The following CREB3L4 variants were observed in gnomAD, a reference collection of about 807,000 sequenced individuals.
CREB3L4 encodes the protein cAMP responsive element binding protein 3 like 4, also known as cyclic AMP-responsive element-binding protein 3-like protein 4.
CREB3L4 carries 28 observed loss-of-function variants against 37.0 expected under a neutral mutation model. That is an observed-to-expected ratio of 0.76 (90% CI 0.56 to 1.04). CREB3L4 has a LOEUF of 1.04. Among genes scored for constraint, CREB3L4 ranks in the 50% least tolerant of loss-of-function variants. The pLI, the probability that CREB3L4 is intolerant of heterozygous loss-of-function variation, is 0.00. For synonymous variants in CREB3L4, 175 were observed against 192.2 expected, an observed-to-expected ratio of 0.91 and a Z score of 0.74; for missense variants, 462 against 486.0, an observed-to-expected ratio of 0.95 and a Z score of 0.46.
intron 5 of CREB3L4, 61 bp downstream of exon 5, chr1:153,972,897 C>T: frequency 6.3e-7 from 1 of 1,598,622 alleles, no homozygotes; most frequent in Non-Finnish European, 8.6e-7. Context: ...TCTGAGGGGC[C>T]AATATCCCAG....
chr1:153,967,722 A>G (rs1667009905), upstream of CREB3L4: 1 of 152,228 alleles, frequency 6.6e-6, no homozygotes, highest in Admixed American at 6.5e-5. Context: ...TGAACAGCCA[A>G]ACTGTCTCCG....
chr1:153,971,575 CTTTTTCTTTTTCT>C (rs1270947173), intron 4 of CREB3L4, among the ~76,000 whole-genome samples: 1 of 125,948 alleles, frequency 7.9e-6, no homozygotes, highest in African/African-American at 2.8e-5. Context: ...ACTCTGTTTT[CTTTTTCTTTTTCT>C]TTTTTTTTTT....
At chr1:153,970,200 T>C (rs1648233197) in intron 4 of CREB3L4, among the ~76,000 whole-genome samples, 1 of 152,170 alleles carries the variant, frequency 6.6e-6, no homozygotes, top group Non-Finnish European at 1.5e-5. Flanking sequence ...GTGCTGGGAT[T>C]ACAGGTGTGA....
chr1:153,973,836 G>A (rs759446488), intron 9 of CREB3L4, 36 bp from the exon 10 acceptor site: 1 of 1,602,198 alleles, frequency 6.2e-7, no homozygotes, highest in Non-Finnish European at 8.5e-7. Context: ...ACCCAGGGGA[G>A]CACTCTACTA....
intron 4 of CREB3L4, among the ~76,000 whole-genome samples, chr1:153,971,144 C>T (rs555141115): frequency 1.9e-4 from 28 of 147,196 alleles, no homozygotes; most frequent in Admixed American, 5.4e-4. Flanking sequence ...CCAAGGTGGG[C>T]GGATCACGAG....
At chr1:153,969,613 CTATTTTT>C (rs1648149204) in intron 4 of CREB3L4, 158 bp downstream of exon 4, 1 of 786,616 alleles carries the variant, frequency 1.3e-6, no homozygotes, top group Non-Finnish European at 2.0e-6. Flanking sequence ...AACAGTTGAA[CTATTTTT>C]TATTTTTTGA....
At position 153,968,557 on chromosome 1, in the gene CREB3L4, C is replaced by T. The variant is rs781747487; in HGVS notation, c.32C>T (p.Ala11Val). Reference sequence around the variant, plus strand: ...CTCGGAATCCCTGACCTGCTGGACGCGTGGCTGGAGCCCCCAGAGGATATC... The same window carrying T: ...CTCGGAATCCCTGACCTGCTGGACGTGTGGCTGGAGCCCCCAGAGGATATC... MDLGIPDLLDAWLEPPEDIFS... is the reference protein window; with the variant it reads MDLGIPDLLDVWLEPPEDIFS... Residue 11 changes from alanine (A) to valine (V), a missense_variant, in exon 2 of 10, where the codon GCG (alanine) becomes GTG (valine). By Grantham distance (64) the Ala-to-Val change is moderately conservative. Transcript: ENST00000368607. 6.2e-7 allele frequency: 1 copy of T among 1,613,996 alleles called. No homozygotes were observed. Among genetic ancestry groups the T allele is most frequent in the Non-Finnish European group, 8.5e-7 (1 of 1,179,948 alleles).
chr1:153,968,651 A>T lies in CREB3L4; in HGVS notation c.126A>T (p.Leu42=), dbSNP rs753187134. The part of the protein sequence containing the change: ...CPPPEVPVTR[L]QEQGLQGWKS... Reference sequence around the variant, plus strand: ...CTCCAGAGGTTCCGGTAACTAGGCTACAGGAACAGGGACTGCAAGGCTGGA... The same window carrying T: ...CTCCAGAGGTTCCGGTAACTAGGCTTCAGGAACAGGGACTGCAAGGCTGGA... The change falls in exon 2 of 10, where the codon CTA becomes CTT. Residue 42 remains leucine, a synonymous_variant. Coordinates refer to ENST00000368607, the MANE Select transcript of CREB3L4 (RefSeq NM_001255978.2). 9.9e-6 allele frequency: 16 copies of T among 1,613,984 alleles called. No individual in the cohort carries two copies. The highest frequency in any genetic ancestry group is 1.2e-5 in the Non-Finnish European group (14 of 1,179,996).
chr1:153,970,911 AT>A lies in CREB3L4; in HGVS notation c.543+1461del, dbSNP rs368355180. Among the ~76,000 whole-genome samples, 171 of 149,636 alleles carry A rather than the reference AT, an allele frequency of 1.1e-3. 1 individual carries two copies. Among genetic ancestry groups the A allele is most frequent in the African/African-American group, 3.5e-3 (145 of 41,006 alleles). ...AAGTGTGCGCCTCCAAGCCTGGCTA[AT>A]TTTTGTATTTTTAGTAGAGATGGGG... On this transcript the variant is annotated intron_variant, in intron 4 of 9. Coordinates refer to ENST00000368607, the MANE Select transcript of CREB3L4 (RefSeq NM_001255978.2).
Position 153,968,517 on chromosome 1 carries a change from T to C in CREB3L4, c.-4-5T>C. 1.2e-6 allele frequency: 2 copies of C among 1,611,778 alleles called. No homozygotes were observed. The highest frequency in any genetic ancestry group is 1.7e-6 in the Non-Finnish European group (2 of 1,178,600). On this transcript the variant is annotated splice_region_variant and splice_polypyrimidine_tract_variant and intron_variant, in intron 1 of 9. Transcript: ENST00000368607. The stretch of plus-strand genomic sequence containing the variant: ...CAACCCTCCGTCCCACACGCCTTCC[T>C]GCAGAAGCATGGATCTCGGAATCCC...
intron 4 of CREB3L4, among the ~76,000 whole-genome samples, chr1:153,970,739 C>CTTTTTTTTT (rs35553007): frequency 1.1e-5 from 1 of 87,152 alleles, no homozygotes; most frequent in Admixed American, 1.4e-4. Flanking sequence ...ATCTTAGAAT[C>CTTTTTTTTT]TTTTTTTTTT....
Position 153,969,091 on chromosome 1 carries a change from C to T in CREB3L4, c.336C>T (p.Leu112=), listed in dbSNP as rs45600231. 1 of 1,614,186 alleles carries T rather than the reference C, an allele frequency of 6.2e-7. No homozygotes were observed. The highest frequency in any genetic ancestry group is 8.5e-7 in the Non-Finnish European group (1 of 1,180,016). The change falls in exon 3 of 10, where the codon CTC becomes CTT. Residue 112 remains leucine (L), a synonymous_variant. Transcript: ENST00000368607. Reference sequence around the variant, plus strand: ...CCAGGGCAACCAGTTCTCCTATGCTCTATGAGGTTGTCTATGAGGCAGGGG... The same window carrying T: ...CCAGGGCAACCAGTTCTCCTATGCTTTATGAGGTTGTCTATGAGGCAGGGG... ...PAPRATSSPM[L]YEVVYEAGAL...
chr1:153,971,039 G>T (rs1162242756), intron 4 of CREB3L4, among the ~76,000 whole-genome samples: 1 of 143,540 alleles, frequency 7.0e-6, no homozygotes, highest in Non-Finnish European at 1.5e-5. Flanking sequence ...CACCGCACCC[G>T]GCCAACATCT....
intron 4 of CREB3L4, among the ~76,000 whole-genome samples, chr1:153,970,148 T>C (rs965176723): frequency 2.6e-5 from 4 of 151,888 alleles, no homozygotes; most frequent in Non-Finnish European, 5.9e-5. Flanking sequence ...AGGCTGGTCT[T>C]GAACTCCTGA....
intron 4 of CREB3L4, among the ~76,000 whole-genome samples, chr1:153,971,587 CTTT>C (rs55930906): frequency 2.8e-5 from 3 of 107,508 alleles, no homozygotes; most frequent in Non-Finnish European, 3.6e-5. Context: ...TTTTCTTTTT[CTTT>C]TTTTTTTTTT....
intron 4 of CREB3L4, 26 bp from the exon 5 acceptor site, chr1:153,972,718 G>C (rs1311165473): frequency 6.3e-7 from 1 of 1,596,746 alleles, no homozygotes; most frequent in Non-Finnish European, 8.6e-7. Flanking sequence ...CACTCCTATT[G>C]CATCTTCTCC....
chr1:153,971,034 C>T (rs1648312690), intron 4 of CREB3L4, among the ~76,000 whole-genome samples: 2 of 147,392 alleles, frequency 1.4e-5, no homozygotes, highest in Non-Finnish European at 3.0e-5. Flanking sequence ...TGAGCCACCG[C>T]ACCCGGCCAA....
Position 153,973,213 on chromosome 1 carries a change from A to C in CREB3L4, c.762A>C (p.Ala254=), listed in dbSNP as rs754692854. 1 of 1,614,096 alleles carries C rather than the reference A, an allele frequency of 6.2e-7. No individual in the cohort carries two copies. The highest frequency in any genetic ancestry group is 1.7e-5 in the Admixed American group (1 of 60,006). The change falls in exon 7 of 10, where the codon GCA becomes GCC. Residue 254 remains alanine (A), a synonymous_variant. Transcript: ENST00000368607. ...GLESRVAACS[A]QNQELQKKVQ... ...ATTCTAGGGTGGCAGCCTGTTCTGC[A>C]CAGAACCAAGAATTACAGAAAAAAG...
intron 4 of CREB3L4, among the ~76,000 whole-genome samples, chr1:153,972,538 C>T (rs780849100): frequency 6.6e-6 from 1 of 152,138 alleles, no homozygotes; most frequent in Non-Finnish European, 1.5e-5. Context: ...CCTCCTCTCT[C>T]CCTTCTTGGC....
Sources: allele counts gnomAD v4.1 joint callset (sites outside exome capture counted in the v4.1 genomes callset), GRCh38; gene constraint gnomAD v4.1.1; transcripts MANE v1.5; gene names NCBI Gene and HGNC (gene_info 2026-07-23, HGNC 2026-07-21).